Variants in TNIK observed in about 807,000 individuals in gnomAD.
The protein encoded by TNIK is TRAF2 and NCK-interacting protein kinase.
A neutral mutation model predicts 191.3 loss-of-function variants in TNIK; 49 were observed. That is an observed-to-expected ratio of 0.26 (90% CI 0.20 to 0.32). TNIK has a LOEUF of 0.32. Ranked by LOEUF, TNIK falls within the 10% of genes least tolerant of loss-of-function variation. The pLI is 1.00. For missense variants in TNIK, 1,155 were observed against 1,702.3 expected (o/e 0.68, Z 5.66); for synonymous variants, 594 against 600.9 (o/e 0.99, Z 0.17).
chr3:171,208,633 C>T (rs961943981), intron 4 of TNIK, among the ~76,000 whole-genome samples: 2 of 151,882 alleles, frequency 1.3e-5, no homozygotes, highest in African/African-American at 4.8e-5. Flanking sequence ...TCTCGGCTTA[C>T]TGCAACCTCC....
In TNIK at chr3:171,140,485, G is replaced by A. The variant is rs760719166; in HGVS notation, c.1246C>T (p.Arg416Trp). ...EEQQRREKEL[R>W]KQQEREQRRH... Reference sequence around the variant, plus strand: ...CGCTGCTCCCTCTCCTGCTGCTTCCGCAGCTCCTTCTCTCGCCTTTGTTGC... The same window carrying A: ...CGCTGCTCCCTCTCCTGCTGCTTCCACAGCTCCTTCTCTCGCCTTTGTTGC... The change falls in exon 13 of 33, where the codon CGG becomes TGG. Residue 416 changes from arginine to tryptophan, a missense_variant. Coordinates refer to ENST00000436636, the MANE Select transcript of TNIK (RefSeq NM_015028.4). 48 of 1,613,212 alleles carry A rather than the reference G, an allele frequency of 3.0e-5. No individual in the cohort carries two copies. The highest frequency in any genetic ancestry group is 3.6e-5 in the Non-Finnish European group (43 of 1,179,686).
chr3:171,189,730 C>A (rs1252407124), intron 6 of TNIK, among the ~76,000 whole-genome samples: 1 of 152,052 alleles, frequency 6.6e-6, no homozygotes, highest in African/African-American at 2.4e-5. Flanking sequence ...TGTACAGGGC[C>A]TGGCATATAA....
chr3:171,211,023 T>G, intron 4 of TNIK, 93 bp downstream of exon 4: 1 of 1,493,222 alleles, frequency 6.7e-7, no homozygotes, highest in South Asian at 1.2e-5. Context: ...AAAGAAGGAG[T>G]TAATCAAATT....
intron 2 of TNIK, among the ~76,000 whole-genome samples, chr3:171,243,369 A>G (rs1745211298): frequency 6.6e-6 from 1 of 152,144 alleles, no homozygotes; most frequent in Admixed American, 6.5e-5. Context: ...TTTTACAAAG[A>G]AAGGTCTTAT....
intron 28 of TNIK, among the ~76,000 whole-genome samples, chr3:171,073,366 A>G (rs1002255424): frequency 8.5e-5 from 13 of 152,246 alleles, no homozygotes; most frequent in South Asian, 4.1e-4. Context: ...ATCTCTTACC[A>G]TATACAAAAA....
chr3:171,221,834 A>C (rs1742379992), intron 3 of TNIK, among the ~76,000 whole-genome samples: 1 of 152,064 alleles, frequency 6.6e-6, no homozygotes, highest in South Asian at 2.1e-4. Context: ...CAAACTATTT[A>C]CCCATATCAG....
At chr3:171,245,908 G>C (rs1031944425) in intron 2 of TNIK, among the ~76,000 whole-genome samples, 5 of 152,146 alleles carry the variant, frequency 3.3e-5, no homozygotes, top group African/African-American at 1.2e-4. Flanking sequence ...AAGAGAGAGA[G>C]AAAGAGAGAG....
At chr3:171,454,063 T>A (rs1187488083) in intron 1 of TNIK, among the ~76,000 whole-genome samples, 3 of 152,260 alleles carry the variant, frequency 2.0e-5, no homozygotes, top group Non-Finnish European at 4.4e-5. Context: ...AGCACACTGC[T>A]AACAAACCAG....
chr3:171,286,257 CTACTATAG>C (rs1232676448), intron 2 of TNIK, among the ~76,000 whole-genome samples: 4 of 152,178 alleles, frequency 2.6e-5, no homozygotes, highest in Non-Finnish European at 5.9e-5. Flanking sequence ...TGAGGAGTCC[CTACTATAG>C]TACTTAGAAA....
intron 1 of TNIK, among the ~76,000 whole-genome samples, chr3:171,457,387 A>G (rs2108746423): frequency 6.6e-6 from 1 of 152,298 alleles, no homozygotes; most frequent in East Asian, 1.9e-4. Flanking sequence ...CAAAAAGAGC[A>G]TTGACTGTGT....
chr3:171,437,405 C>A (rs952493641), intron 1 of TNIK, among the ~76,000 whole-genome samples: 3 of 152,194 alleles, frequency 2.0e-5, no homozygotes, highest in Non-Finnish European at 4.4e-5. Context: ...AGCCAGTGAG[C>A]ACTCACTAAA....
intron 15 of TNIK, among the ~76,000 whole-genome samples, chr3:171,137,968 C>CAAAAAA (rs58897378): frequency 3.2e-4 from 38 of 119,418 alleles, no homozygotes; most frequent in East Asian, 1.3e-3. Context: ...CAAAGATATA[C>CAAAAAA]AAAAAAAAAA....
chr3:171,345,915 T>C (rs1330092477), intron 2 of TNIK, among the ~76,000 whole-genome samples: 3 of 152,026 alleles, frequency 2.0e-5, no homozygotes, highest in African/African-American at 4.8e-5. Context: ...GAAAAGAGAC[T>C]GAAGTGAACA....
At chr3:171,348,744 C>T (rs898116278) in intron 2 of TNIK, among the ~76,000 whole-genome samples, 1 of 152,198 alleles carries the variant, frequency 6.6e-6, no homozygotes, top group African/African-American at 2.4e-5. Context: ...GTAGTGCTTT[C>T]ATTTGTGTTT....
At chr3:171,171,072 T>G (rs1483813065) in intron 9 of TNIK, among the ~76,000 whole-genome samples, 1 of 152,202 alleles carries the variant, frequency 6.6e-6, no homozygotes, top group East Asian at 1.9e-4. Context: ...GAAATCCTCA[T>G]TTCTGTTGAA....
chr3:171,206,326 T>A (rs1489387855), intron 4 of TNIK, among the ~76,000 whole-genome samples: 2 of 139,026 alleles, frequency 1.4e-5, no homozygotes, highest in Admixed American at 7.3e-5. Context: ...TGGAGATATA[T>A]ATGTTCGTGT....
chr3:171,141,006 C>T (rs1019725065), intron 12 of TNIK, among the ~76,000 whole-genome samples: 1 of 152,212 alleles, frequency 6.6e-6, no homozygotes, highest in Admixed American at 6.5e-5. Context: ...GATTTACTGA[C>T]TCCCACCTAG....
chr3:171,168,819 C>T (rs920714049), intron 9 of TNIK, among the ~76,000 whole-genome samples: 1 of 152,170 alleles, frequency 6.6e-6, no homozygotes, highest in African/African-American at 2.4e-5. Context: ...CCTGAGCCAT[C>T]TTTGCATCAT....
chr3:171,393,028 T>G (rs1719770906), intron 1 of TNIK, among the ~76,000 whole-genome samples: 1 of 152,136 alleles, frequency 6.6e-6, no homozygotes, highest in Non-Finnish European at 1.5e-5. Flanking sequence ...TAGGAACCAC[T>G]GTAAAAGGGC....
Sources: allele counts gnomAD v4.1 joint callset (sites outside exome capture counted in the v4.1 genomes callset), GRCh38; gene constraint gnomAD v4.1.1; transcripts MANE v1.5; gene names NCBI Gene and HGNC (gene_info 2026-07-23, HGNC 2026-07-21).